LYSMD1: variants seen among roughly 807,000 people sequenced by gnomAD.
The protein encoded by LYSMD1 is lysM and putative peptidoglycan-binding domain-containing protein 1.
A neutral mutation model predicts 19.3 loss-of-function variants in LYSMD1; 9 were observed. The observed-to-expected ratio is 0.47, with a 90% CI of 0.28 to 0.81. LYSMD1 has a LOEUF of 0.81. Among genes scored for constraint, LYSMD1 ranks in the 40% least tolerant of loss-of-function variants. The probability of loss-of-function intolerance (pLI) is 0.11; values close to 1 mark genes in which losing one functional copy is unlikely to be tolerated. For missense variants in LYSMD1, 262 were observed against 279.8 expected, an observed-to-expected ratio of 0.94 and a Z score of 0.45; for synonymous variants, 111 against 111.7, an observed-to-expected ratio of 0.99 and a Z score of 0.04.
chr1:151,159,231 G>A (rs1446978210), downstream of LYSMD1: 1 of 1,612,438 alleles, frequency 6.2e-7, no homozygotes, highest in African/African-American at 1.3e-5. Flanking sequence ...TCAGGAAGCT[G>A]CTAGACGAAG....
At position 151,165,896 on chromosome 1, in the gene LYSMD1, A is replaced by G. The variant is rs1018663684; in HGVS notation, c.-638T>C. On this transcript the variant is annotated 5_prime_UTR_variant, in exon 1 of 3. Coordinates refer to ENST00000368908, the MANE Select transcript of LYSMD1 (RefSeq NM_212551.5). ...ATCCAGTTGAGCGGCAAGGTCTTTG[A>G]GAAAAGACTTCATTTCCCAAAAGGC... The G allele has an allele frequency of 1.0e-6, 1 of 963,694 alleles. No individual in the cohort carries two copies. Among genetic ancestry groups the G allele is most frequent in the Admixed American group, 2.2e-5 (1 of 46,050 alleles). 59.7% of individuals were successfully genotyped at this position (963,694 alleles called of 1,614,324 possible). A position where few individuals can be genotyped will look rare whatever the true frequency, so the allele number is the denominator to read the frequency against.
Position 151,165,750 on chromosome 1 carries a change from C to A in LYSMD1, c.-492G>T. The A allele has an allele frequency of 1.3e-6, 2 of 1,551,744 alleles. No homozygotes were observed. The highest frequency in any genetic ancestry group is 1.7e-6 in the Non-Finnish European group (2 of 1,146,990). On this transcript the variant is annotated 5_prime_UTR_variant, in exon 1 of 3. Coordinates refer to ENST00000368908, the MANE Select transcript of LYSMD1 (RefSeq NM_212551.5). ...ATTGCAAGAATTTGTAGTACACCTT[C>A]CACTCAGAGATCCTCAAAGGTCCGC...
the LYSMD1 span, among the ~76,000 whole-genome samples, chr1:151,149,208 A>G: frequency 3.6e-4 from 55 of 152,170 alleles, 1 homozygote; most frequent in East Asian, 0.01. Context: ...CCTGGCCAAC[A>G]TGGAGAAACT....
At chr1:151,155,665 G>A (rs1447514545), downstream of LYSMD1, among the ~76,000 whole-genome samples, 2 of 152,172 alleles carry the variant, frequency 1.3e-5, no homozygotes, top group East Asian at 3.8e-4. Context: ...GCAGTCAGCT[G>A]TGATGATGCC....
rs1054455871 is a variant in LYSMD1, at chr1:151,160,693, C to T, written c.*189G>A. On this transcript the variant is annotated 3_prime_UTR_variant, in exon 3 of 3. Coordinates refer to ENST00000368908, the MANE Select transcript of LYSMD1 (RefSeq NM_212551.5). ...CCAAGAACTGGGAAAGGTCCAGTTC[C>T]CATTCCCTAATCTTGCCAATAAAAC... 2 of 555,908 alleles carry T rather than the reference C, an allele frequency of 3.6e-6. No individual in the cohort carries two copies. The highest frequency in any genetic ancestry group is 6.2e-6 in the Non-Finnish European group (2 of 320,356). 34.4% of individuals were successfully genotyped at this position (555,908 alleles called of 1,614,324 possible).
chr1:151,159,768 A>C lies in LYSMD1; in HGVS notation c.*1114T>G. ...AAATATGCACAGGGCTCAATGTTTAATCTGTCCAGCTTCGTATACCTTATA... is the reference window on the plus strand; with the variant it reads ...AAATATGCACAGGGCTCAATGTTTACTCTGTCCAGCTTCGTATACCTTATA... On this transcript the variant is annotated 3_prime_UTR_variant, in exon 3 of 3. Transcript: ENST00000368908. The C allele has an allele frequency of 2.3e-5, 4 of 176,184 alleles. No homozygotes were observed. Among genetic ancestry groups the C allele is most frequent in the East Asian group, 1.8e-4 (1 of 5,650 alleles). 10.9% of individuals were successfully genotyped at this position (176,184 alleles called of 1,614,324 possible).
downstream of LYSMD1, among the ~76,000 whole-genome samples, chr1:151,158,500 C>T (rs1683307278): frequency 6.6e-6 from 1 of 151,818 alleles, no homozygotes; most frequent in African/African-American, 2.4e-5. Context: ...TTTGCTACAG[C>T]ACTAAGGGGA....
In LYSMD1 at chr1:151,165,737, T is replaced by G. The variant is rs973562005; in HGVS notation, c.-479A>C. 1 of 1,551,644 alleles carries G rather than the reference T, an allele frequency of 6.4e-7. No individual in the cohort carries two copies. Among genetic ancestry groups the G allele is most frequent in the Non-Finnish European group, 8.7e-7 (1 of 1,146,972 alleles). On this transcript the variant is annotated 5_prime_UTR_variant, in exon 1 of 3. Transcript: ENST00000368908. ...GAAGAGCGTGAGGATTGCAAGAATT[T>G]GTAGTACACCTTCCACTCAGAGATC...
At chr1:151,159,072 T>A (rs1683339476), downstream of LYSMD1, 1 of 1,614,074 alleles carries the variant, frequency 6.2e-7, no homozygotes, top group African/African-American at 1.3e-5. Context: ...AGTGCCGGGA[T>A]GTGCTGCTAG....
At chr1:151,158,556 G>T (rs1009777198), downstream of LYSMD1, 14 of 841,244 alleles carry the variant, frequency 1.7e-5, no homozygotes, top group Non-Finnish European at 2.2e-5. Context: ...GGCCCCAGGG[G>T]GCGGAGAGGA....
the LYSMD1 span, among the ~76,000 whole-genome samples, chr1:151,153,453 G>T: frequency 6.6e-6 from 1 of 152,036 alleles, no homozygotes; most frequent in Admixed American, 6.6e-5. Flanking sequence ...AGGAGTTCGA[G>T]ACCAGCCTGG....
chr1:151,160,006 G>A lies in LYSMD1; in HGVS notation c.*876C>T, dbSNP rs906958329. 1.3e-5 allele frequency: 2 copies of A among 152,210 alleles called. No individual in the cohort carries two copies. Among genetic ancestry groups the A allele is most frequent in the Non-Finnish European group, 2.9e-5 (2 of 67,990 alleles). 9.4% of individuals were successfully genotyped at this position (152,210 alleles called of 1,614,324 possible). Reference sequence around the variant, plus strand: ...ATAGAGAGAGAGGGTCTGGAGGGGAGGGGGTGTAACAAAGAGACTCCCACA... The same window carrying A: ...ATAGAGAGAGAGGGTCTGGAGGGGAAGGGGTGTAACAAAGAGACTCCCACA... On this transcript the variant is annotated 3_prime_UTR_variant, in exon 3 of 3. Transcript: ENST00000368908.
chr1:151,155,466 T>C (rs914884257), downstream of LYSMD1, among the ~76,000 whole-genome samples: 2 of 152,246 alleles, frequency 1.3e-5, no homozygotes, highest in African/African-American at 2.4e-5. Context: ...ATGGGTGCAG[T>C]GGCTCACGCC....
At chr1:151,154,944 G>A (rs983970747), downstream of LYSMD1, among the ~76,000 whole-genome samples, 5 of 151,940 alleles carry the variant, frequency 3.3e-5, no homozygotes, top group South Asian at 4.2e-4. Context: ...ATGCCCAGCC[G>A]AGACAGGGTT....
Position 151,161,000 on chromosome 1 carries a change from C to T in LYSMD1, c.566G>A (p.Gly189Asp), listed in dbSNP as rs370026565. 1.2e-6 allele frequency: 2 copies of T among 1,613,944 alleles called. No homozygotes were observed. Among genetic ancestry groups the T allele is most frequent in the African/African-American group, 2.7e-5 (2 of 74,890 alleles). ...GENGVPGEDA[G>D]LHLSSPWMQQ... ...CATCCAAGGGGAGCTCAGGTGGAGA[C>T]CTGCATCCTCCCCAGGTACCCTGCA... Residue 189 changes from glycine to aspartate, a missense_variant, in exon 3 of 3, where the codon GGT (glycine) becomes GAT (aspartate). By Grantham distance (94) the Gly-to-Asp change is moderately conservative. Coordinates refer to ENST00000368908, the MANE Select transcript of LYSMD1 (RefSeq NM_212551.5).
chr1:151,163,620 C>A (rs1304264995), intron 1 of LYSMD1, among the ~76,000 whole-genome samples: 1 of 152,004 alleles, frequency 6.6e-6, no homozygotes, highest in Non-Finnish European at 1.5e-5. Context: ...CCTCCGCTTC[C>A]CCAGCTCAAG....
rs1558200193 is a variant in LYSMD1 at position 151,160,618 on chromosome 1, G to A, written c.*264C>T. On this transcript the variant is annotated 3_prime_UTR_variant, in exon 3 of 3. Transcript: ENST00000368908. Reference sequence around the variant, plus strand: ...GTAAAAAGGATAGGAAAGGCAACAAGGATATAAAAAGAGCCTTTTGAGTCT... The same window carrying A: ...GTAAAAAGGATAGGAAAGGCAACAAAGATATAAAAAGAGCCTTTTGAGTCT... 3.4e-6 allele frequency: 1 copy of A among 296,766 alleles called. No individual in the cohort carries two copies. Among genetic ancestry groups the A allele is most frequent in the Non-Finnish European group, 6.3e-6 (1 of 158,120 alleles). The allele number at this position is 296,766 out of a possible 1,614,324, so 18.4% of individuals were successfully genotyped here. A position where few individuals can be genotyped will look rare whatever the true frequency, so the allele number is the denominator to read the frequency against.
downstream of LYSMD1, among the ~76,000 whole-genome samples, chr1:151,157,010 C>T (rs1683245012): frequency 6.6e-6 from 1 of 151,846 alleles, no homozygotes; most frequent in African/African-American, 2.4e-5. Context: ...GGGTAAGGGC[C>T]AGAGGGAGAG....
In LYSMD1 at chr1:151,165,164, C is replaced by A. The variant is rs1683628545; in HGVS notation, c.95G>T (p.Cys32Phe). Residue 32 changes from cysteine to phenylalanine, a missense_variant, in exon 1 of 3, where the codon TGC (cysteine) becomes TTC (phenylalanine). Transcript: ENST00000368908. ...CAGGCGTCTTTCCCTCACTGGGGAGCAGGCCGATTGCACCAGGCTTCCATA... is the reference window on the plus strand; with the variant it reads ...CAGGCGTCTTTCCCTCACTGGGGAGAAGGCCGATTGCACCAGGCTTCCATA... ...RSYGSLVQSA[C>F]SPVRERRLEH... 3.7e-6 allele frequency: 6 copies of A among 1,614,220 alleles called. No individual in the cohort carries two copies. The highest frequency in any genetic ancestry group is 1.3e-5 in the African/African-American group (1 of 75,060).
Sources: allele counts gnomAD v4.1 joint callset (sites outside exome capture counted in the v4.1 genomes callset), GRCh38; gene constraint gnomAD v4.1.1; transcripts MANE v1.5; gene names NCBI Gene and HGNC (gene_info 2026-07-23, HGNC 2026-07-21).